Variants in NFIB observed in about 807,000 individuals in gnomAD.
NFIB encodes the protein nuclear factor I B.
NFIB carries 11 observed loss-of-function variants against 61.5 expected under a neutral mutation model. The observed-to-expected ratio is 0.18, with a 90% CI of 0.11 to 0.30. The LOEUF is 0.30. Ranked by LOEUF, NFIB falls within the 10% of genes least tolerant of loss-of-function variation. The pLI, the probability that NFIB is intolerant of heterozygous loss-of-function variation, is 1.00. For synonymous variants in NFIB, 260 were observed against 216.5 expected (o/e 1.20, Z -1.76); for missense variants, 471 against 608.9 (o/e 0.77, Z 2.38).
intron 2 of NFIB, chr9:14,204,424 C>A: frequency 8.7e-7 from 1 of 1,146,212 alleles, no homozygotes; most frequent in Non-Finnish European, 1.3e-6. Context: ...AATGGCCCCG[C>A]TATAGCAGGT....
intron 2 of NFIB, among the ~76,000 whole-genome samples, chr9:14,225,767 G>A (rs2052320851): frequency 6.6e-6 from 1 of 151,976 alleles, no homozygotes. Context: ...TTCTCCAGAA[G>A]AGCCAAAAGA....
the NFIB span, among the ~76,000 whole-genome samples, chr9:14,519,511 G>C: frequency 6.6e-6 from 1 of 152,108 alleles, no homozygotes; most frequent in East Asian, 1.9e-4. Flanking sequence ...AGTTTCTGTT[G>C]TGTGTTTTCT....
intron 3 of NFIB, among the ~76,000 whole-genome samples, chr9:14,161,286 C>T (rs776712970): frequency 7.2e-5 from 11 of 152,026 alleles, no homozygotes; most frequent in East Asian, 3.8e-4. Flanking sequence ...ATTGCAAAGA[C>T]GGTGATTTTC....
chr9:14,130,905 A>G (rs899362209), intron 6 of NFIB, among the ~76,000 whole-genome samples: 1 of 152,208 alleles, frequency 6.6e-6, no homozygotes, highest in Non-Finnish European at 1.5e-5. Context: ...AGAAAAGAAA[A>G]TCAATCACTG....
At chr9:14,167,345 C>T (rs2044971859) in intron 3 of NFIB, among the ~76,000 whole-genome samples, 1 of 152,066 alleles carries the variant, frequency 6.6e-6, no homozygotes, top group Non-Finnish European at 1.5e-5. Flanking sequence ...GAGCTTAAGA[C>T]CAGCCTGGAC....
chr9:14,391,733 AAC>A (rs1029853694), intron 1 of NFIB, among the ~76,000 whole-genome samples: 15 of 152,156 alleles, frequency 9.9e-5, no homozygotes, highest in African/African-American at 3.6e-4. Context: ...GGAGAAAAAA[AAC>A]ACAGACCCTG....
intron 10 of NFIB, among the ~76,000 whole-genome samples, chr9:14,098,229 C>A (rs1325745759): frequency 6.6e-6 from 1 of 152,088 alleles, no homozygotes; most frequent in Non-Finnish European, 1.5e-5. Context: ...TTTGGTAACA[C>A]GCGCATGTTT....
intron 1 of NFIB, among the ~76,000 whole-genome samples, chr9:14,386,430 C>T (rs1485000002): frequency 6.6e-6 from 1 of 152,182 alleles, no homozygotes; most frequent in Non-Finnish European, 1.5e-5. Flanking sequence ...CTTAGGACTC[C>T]AGGTCCTCAG....
the NFIB span, among the ~76,000 whole-genome samples, chr9:14,405,071 T>C: frequency 2.6e-5 from 4 of 152,228 alleles, no homozygotes; most frequent in Admixed American, 2.0e-4. Flanking sequence ...GGCTAATAGT[T>C]TGTGGTTGAT....
chr9:14,211,318 C>A (rs1181848340), intron 2 of NFIB, among the ~76,000 whole-genome samples: 2 of 151,878 alleles, frequency 1.3e-5, no homozygotes, highest in African/African-American at 2.4e-5. Context: ...ATGAATGGAC[C>A]TGGGAAGTTT....
intron 1 of NFIB, among the ~76,000 whole-genome samples, chr9:14,308,625 T>A (rs181208450): frequency 6.6e-6 from 1 of 152,374 alleles, no homozygotes; most frequent in African/African-American, 2.4e-5. Context: ...GGTCAGTTAC[T>A]GCTTTTGTGG....
At position 14,120,663 on chromosome 9, in the gene NFIB, G is replaced by A; in HGVS notation, c.1061-39C>T. ...AAAAGGAAAGATTGACTCATCAGCT[G>A]GTTACCTTATTGCTCCATTCTGATC... On this transcript the variant is annotated intron_variant, in intron 7 of 10. Transcript: ENST00000380953. The surrounding 1 kb of genome is among the most constrained non-coding windows in gnomAD (Gnocchi z 4.4). The A allele has an allele frequency of 6.5e-7, 1 of 1,542,176 alleles. No homozygotes were observed. Among genetic ancestry groups the A allele is most frequent in the South Asian group, 1.3e-5 (1 of 78,140 alleles).
intron 2 of NFIB, among the ~76,000 whole-genome samples, chr9:14,217,296 T>G (rs1339230448): frequency 1.3e-5 from 2 of 152,194 alleles, no homozygotes; most frequent in African/African-American, 4.8e-5. Flanking sequence ...ATTTCCAGAA[T>G]GGGCAAGAGC....
chr9:14,443,991 T>C, the NFIB span, among the ~76,000 whole-genome samples: 4 of 152,230 alleles, frequency 2.6e-5, no homozygotes, highest in African/African-American at 9.6e-5. Flanking sequence ...GTCCCCAAAC[T>C]ATTTTTCTGG....
Position 14,314,043 on chromosome 9 carries a change from G to A in NFIB, c.-532C>T. 1.9e-6 allele frequency: 2 copies of A among 1,068,436 alleles called. No homozygotes were observed. The highest frequency in any genetic ancestry group is 2.3e-6 in the Non-Finnish European group (2 of 881,966). 66.2% of individuals were successfully genotyped at this position (1,068,436 alleles called of 1,614,324 possible). The stretch of plus-strand genomic sequence containing the variant: ...CGCGCTGGGAAAGTTCAAGGTTACA[G>A]CCCCAAGCACTGCGGCAGGATCCCG... On this transcript the variant is annotated 5_prime_UTR_variant, in exon 1 of 11. Coordinates refer to ENST00000380953, the MANE Select transcript of NFIB (RefSeq NM_001190737.2).
At chr9:14,452,232 G>A in the NFIB span, among the ~76,000 whole-genome samples, 1 of 151,942 alleles carries the variant, frequency 6.6e-6, no homozygotes, top group Non-Finnish European at 1.5e-5. Flanking sequence ...ACAGTTAGAG[G>A]TATGAGCTAC....
At chr9:14,245,285 CATA>C (rs1323603948) in intron 2 of NFIB, among the ~76,000 whole-genome samples, 1 of 152,172 alleles carries the variant, frequency 6.6e-6, no homozygotes, top group Non-Finnish European at 1.5e-5. Context: ...TCCCTACATC[CATA>C]ATAATATGCC....
chr9:14,215,997 G>GT (rs1193139321), intron 2 of NFIB, among the ~76,000 whole-genome samples: 2 of 152,082 alleles, frequency 1.3e-5, no homozygotes, highest in East Asian at 3.9e-4. Context: ...TAAATAGGAG[G>GT]TATCATCATC....
At chr9:14,517,050 C>G in the NFIB span, among the ~76,000 whole-genome samples, 1 of 152,176 alleles carries the variant, frequency 6.6e-6, no homozygotes, top group Non-Finnish European at 1.5e-5. Flanking sequence ...TATGGGTTTC[C>G]TCTCTGAGCT....
Sources: allele counts gnomAD v4.1 joint callset (sites outside exome capture counted in the v4.1 genomes callset), GRCh38; gene constraint gnomAD v4.1.1; non-coding constraint Gnocchi (gnomAD v3.1); transcripts MANE v1.5; gene names NCBI Gene and HGNC (gene_info 2026-07-23, HGNC 2026-07-21).